The following TRAFD1 variants were observed in gnomAD, a reference collection of about 807,000 sequenced individuals.
The protein encoded by TRAFD1 is TRAF-type zinc finger domain containing 1.
TRAFD1 carries 38 observed loss-of-function variants against 65.3 expected under a neutral mutation model. The ratio of observed to expected loss-of-function variants is 0.58; its 90% CI spans 0.45 to 0.76. The LOEUF is 0.76. Ranked by LOEUF, TRAFD1 falls within the 30% of genes least tolerant of loss-of-function variation. The probability of loss-of-function intolerance (pLI) is 0.00; values close to 1 mark genes in which losing one functional copy is unlikely to be tolerated. For missense variants in TRAFD1, 631 were observed against 712.6 expected, an observed-to-expected ratio of 0.89 and a Z score of 1.30; for synonymous variants, 223 against 257.2, an observed-to-expected ratio of 0.87 and a Z score of 1.27.
At position 112,152,259 on chromosome 12, in the gene TRAFD1, A is replaced by G; in HGVS notation, c.1619+119A>G. 3 of 1,406,374 alleles carry G rather than the reference A, an allele frequency of 2.1e-6. No individual in the cohort carries two copies. The South Asian group carries it at 4.0e-5, about 19-fold the overall frequency. The allele number at this position is 1,406,374 out of a possible 1,614,324, so 87.1% of individuals were successfully genotyped here. A position where few individuals can be genotyped will look rare whatever the true frequency, so the allele number is the denominator to read the frequency against. On this transcript the variant is annotated intron_variant, in intron 10 of 11. Transcript: ENST00000412615. This position sits in a 1 kb window ranked among gnomAD's most constrained non-coding sequence, Gnocchi z 5.0. ...GAGGTACTTGCATGGTAAGGGGAGG[A>G]GTATGGATTTTCCCTGTATTGTCAC...
intron 6 of TRAFD1, 106 bp downstream of exon 6, chr12:112,142,401 T>C: frequency 7.5e-7 from 1 of 1,329,342 alleles, no homozygotes; most frequent in Non-Finnish European, 1.0e-6. Flanking sequence ...AGAATTTGCC[T>C]TACTCTTTTT....
Position 112,152,124 on chromosome 12 carries a change from G to A in TRAFD1, c.1603G>A (p.Gly535Arg). The A allele has an allele frequency of 6.2e-7, 1 of 1,612,380 alleles. No individual in the cohort carries two copies. Among genetic ancestry groups the A allele is most frequent in the Non-Finnish European group, 8.5e-7 (1 of 1,178,776 alleles). The change falls in exon 10 of 12, where the codon GGG becomes AGG. Residue 535 changes from glycine to arginine, a missense_variant. Coordinates refer to ENST00000412615, the MANE Select transcript of TRAFD1 (RefSeq NM_006700.3). This position sits in a 1 kb window ranked among gnomAD's most constrained non-coding sequence, Gnocchi z 5.0. The part of the protein sequence containing the change: ...IVPSFSPGPS[G>R]RYGASGRSEG... ...GCCCTCTTTCTCCCCTGGGCCTTCA[G>A]GGAGATACGGAGCTAGGTAAGAATC...
intron 9 of TRAFD1, 37 bp from the exon 10 acceptor site, chr12:112,151,764 G>C (rs771126719): frequency 2.5e-6 from 4 of 1,581,542 alleles, no homozygotes; most frequent in East Asian, 2.2e-5. Context: ...GCCAGAGCAG[G>C]CTTTTTCCTA....
intron 2 of TRAFD1, among the ~76,000 whole-genome samples, chr12:112,131,735 T>A (rs2079567164): frequency 6.6e-6 from 1 of 152,250 alleles, no homozygotes; most frequent in Admixed American, 6.5e-5. Context: ...GAAGTAAGCA[T>A]ATTAGTATTT....
At chr12:112,135,173 C>G in intron 4 of TRAFD1, 107 bp downstream of exon 4, 1 of 1,272,570 alleles carries the variant, frequency 7.9e-7, no homozygotes, top group South Asian at 1.2e-5. Flanking sequence ...CGTGAGCTCA[C>G]ATGCATACTG....
intron 4 of TRAFD1, chr12:112,140,107 C>T (rs2136974853): frequency 6.1e-6 from 2 of 329,376 alleles, no homozygotes; most frequent in Non-Finnish European, 1.2e-5. Flanking sequence ...AGTTTCTTTT[C>T]CTCATTATTA....
chr12:112,136,254 G>A (rs1230342908), intron 4 of TRAFD1, among the ~76,000 whole-genome samples: 3 of 151,558 alleles, frequency 2.0e-5, no homozygotes, highest in Middle Eastern at 3.4e-3. Flanking sequence ...AGGATTACAG[G>A]CATGAGCCAC....
At chr12:112,142,951 CTT>C (rs1334811518) in intron 6 of TRAFD1, among the ~76,000 whole-genome samples, 1 of 146,792 alleles carries the variant, frequency 6.8e-6, no homozygotes, top group Non-Finnish European at 1.5e-5. Context: ...GAGTTTTGCT[CTT>C]GTTGCCCAGG....
chr12:112,135,108 A>C, intron 4 of TRAFD1, 42 bp downstream of exon 4: 1 of 1,611,324 alleles, frequency 6.2e-7, no homozygotes, highest in Non-Finnish European at 8.5e-7. Context: ...AGTCCTGCTG[A>C]GATTACAGAC....
intron 2 of TRAFD1, among the ~76,000 whole-genome samples, chr12:112,132,301 G>C (rs2048191673): frequency 6.6e-6 from 1 of 151,980 alleles, no homozygotes; most frequent in Non-Finnish European, 1.5e-5. Context: ...CTATGATACT[G>C]TAATGAAAAT....
intron 1 of TRAFD1, among the ~76,000 whole-genome samples, chr12:112,127,249 A>G (rs7309841): frequency 0.14 from 21,282 of 152,022 alleles, 1,843 homozygotes; most frequent in African/African-American, 0.24. Flanking sequence ...GTCTCCCCAG[A>G]AAGTTCTTCC....
rs1162035616 is a variant in TRAFD1, at chr12:112,137,092, G to A, written c.237+2026G>A. ...ACAAAAATTAGCTGGGCGTGGATACGCACGTCTGAAATCCCAGCTACTCAG... is the reference window on the plus strand; with the variant it reads ...ACAAAAATTAGCTGGGCGTGGATACACACGTCTGAAATCCCAGCTACTCAG... On this transcript the variant is annotated intron_variant, in intron 4 of 11. Transcript: ENST00000412615. This position sits in a 1 kb window ranked among gnomAD's most constrained non-coding sequence, Gnocchi z 4.2. Among the ~76,000 whole-genome samples, 1 of 152,128 alleles carries A rather than the reference G, an allele frequency of 6.6e-6. No individual in the cohort carries two copies. Among genetic ancestry groups the A allele is most frequent in the Non-Finnish European group, 1.5e-5 (1 of 68,040 alleles).
In TRAFD1 at chr12:112,152,829, T is replaced by G. The variant is rs768363638; in HGVS notation, c.*38T>G. 6 of 1,612,580 alleles carry G rather than the reference T, an allele frequency of 3.7e-6. No homozygotes were observed. The highest frequency in any genetic ancestry group is 4.2e-6 in the Non-Finnish European group (5 of 1,179,168). ...AGACTTTACATCGGTTCCTGTCTTC[T>G]GTGCACAGCAGCACTTGCCGCTGTG... On this transcript the variant is annotated 3_prime_UTR_variant, in exon 12 of 12. Coordinates refer to ENST00000412615, the MANE Select transcript of TRAFD1 (RefSeq NM_006700.3). The surrounding 1 kb of genome is among the most constrained non-coding windows in gnomAD (Gnocchi z 5.0).
intron 7 of TRAFD1, among the ~76,000 whole-genome samples, chr12:112,147,263 C>G (rs568428299): frequency 6.6e-6 from 1 of 152,132 alleles, no homozygotes; most frequent in South Asian, 2.1e-4. Context: ...TCCCAAAGTG[C>G]TGAGATTACA....
chr12:112,134,920 G>A (rs368329072), intron 3 of TRAFD1, 47 bp downstream of exon 3: 264 of 1,611,224 alleles, frequency 1.6e-4, no homozygotes, highest in Non-Finnish European at 2.1e-4. Flanking sequence ...TATACTTGCT[G>A]TTGTTCGTAA....
intron 9 of TRAFD1, among the ~76,000 whole-genome samples, chr12:112,151,148 G>A (rs977522924): frequency 4.0e-5 from 6 of 151,776 alleles, no homozygotes; most frequent in African/African-American, 1.5e-4. Flanking sequence ...TGAGGCAGGA[G>A]AATCACTTGA....
chr12:112,131,825 A>G (rs78332692), intron 2 of TRAFD1, among the ~76,000 whole-genome samples: 40 of 152,332 alleles, frequency 2.6e-4, no homozygotes, highest in African/African-American at 8.7e-4. Flanking sequence ...ACTGTTTTAT[A>G]TAATTGTTGC....
chr12:112,127,460 A>G (rs1295118789), intron 1 of TRAFD1, among the ~76,000 whole-genome samples: 1 of 152,134 alleles, frequency 6.6e-6, no homozygotes, highest in Non-Finnish European at 1.5e-5. Flanking sequence ...GGCACACAGT[A>G]TGGTCTTCTT....
Position 112,130,357 on chromosome 12 carries a change from A to T in TRAFD1, c.-12-154A>T. The T allele has an allele frequency of 2.2e-6, 1 of 452,136 alleles. No homozygotes were observed. The highest frequency in any genetic ancestry group is 3.9e-6 in the Non-Finnish European group (1 of 254,814). 28.0% of individuals were successfully genotyped at this position (452,136 alleles called of 1,614,324 possible). A position where few individuals can be genotyped will look rare whatever the true frequency, so the allele number is the denominator to read the frequency against. On this transcript the variant is annotated intron_variant, in intron 1 of 11. Coordinates refer to ENST00000412615, the MANE Select transcript of TRAFD1 (RefSeq NM_006700.3). This position sits in a 1 kb window ranked among gnomAD's most constrained non-coding sequence, Gnocchi z 4.4. ...ATTTTAAATTGAAAATTTTAAAATA[A>T]GAAAATCCCAAGGGACTGGATATTG...
Sources: allele counts gnomAD v4.1 joint callset (sites outside exome capture counted in the v4.1 genomes callset), GRCh38; gene constraint gnomAD v4.1.1; non-coding constraint Gnocchi (gnomAD v3.1); transcripts MANE v1.5; gene names NCBI Gene and HGNC (gene_info 2026-07-23, HGNC 2026-07-21).